The following ELAVL2 variants were observed in gnomAD, a reference collection of about 807,000 sequenced individuals.
The protein encoded by ELAVL2 is ELAV like RNA binding protein 2.
ELAVL2 carries 4 observed loss-of-function variants against 34.6 expected under a neutral mutation model. That is an observed-to-expected ratio of 0.12 (90% confidence interval 0.06 to 0.26). The LOEUF (loss-of-function observed/expected upper bound fraction) is 0.26. Ranked by LOEUF, ELAVL2 falls within the 10% of genes least tolerant of loss-of-function variation. The pLI, the probability that ELAVL2 is intolerant of heterozygous loss-of-function variation, is 1.00. For missense variants in ELAVL2, 432 were observed against 442.8 expected (o/e 0.98, Z 0.22); for synonymous variants, 193 against 154.8 (o/e 1.25, Z -1.83).
chr9:23,700,984 A>C (rs1399117527), intron 5 of ELAVL2, among the ~76,000 whole-genome samples: 4 of 152,188 alleles, frequency 2.6e-5, no homozygotes, highest in African/African-American at 4.8e-5. Context: ...GCTTTGGACC[A>C]GGTAACTTCT....
intron 2 of ELAVL2, among the ~76,000 whole-genome samples, chr9:23,760,053 A>C (rs183702625): frequency 6.6e-6 from 1 of 151,856 alleles, no homozygotes; most frequent in East Asian, 1.9e-4. Flanking sequence ...TGCTTCTATT[A>C]CCACCGTCTA....
At chr9:23,716,669 C>T (rs1351897135) in intron 3 of ELAVL2, among the ~76,000 whole-genome samples, 1 of 152,136 alleles carries the variant, frequency 6.6e-6, no homozygotes, top group Non-Finnish European at 1.5e-5. Flanking sequence ...TCCCGTTGCC[C>T]TCAGAGAGCA....
At chr9:23,832,701 G>A in the ELAVL2 span, among the ~76,000 whole-genome samples, 52 of 152,054 alleles carry the variant, frequency 3.4e-4, no homozygotes, top group Non-Finnish European at 1.6e-4. Context: ...ACCTTCAGCC[G>A]ACAACACATA....
At chr9:23,829,614 A>C (rs1190151169), upstream of ELAVL2, 1 of 152,234 alleles carries the variant, frequency 6.6e-6, no homozygotes, top group Non-Finnish European at 1.5e-5. Flanking sequence ...TGTCTGCATG[A>C]GAAATACAGA....
chr9:23,764,892 A>T, intron 1 of ELAVL2: 1 of 1,046,274 alleles, frequency 9.6e-7, no homozygotes, highest in Non-Finnish European at 1.4e-6. Context: ...ACAATAGGTT[A>T]AATGTAAGAA....
chr9:23,762,163 G>A lies in ELAVL2; in HGVS notation c.72C>T (p.Asn24=), dbSNP rs760120224. 1 of 1,613,688 alleles carries A rather than the reference G, an allele frequency of 6.2e-7. No individual in the cohort carries two copies. Among genetic ancestry groups the A allele is most frequent in the East Asian group, 2.2e-5 (1 of 44,876 alleles). The change falls in exon 2 of 7, where the codon AAC becomes AAT. Residue 24 remains asparagine, a synonymous_variant. Transcript: ENST00000397312. Reference sequence around the variant, plus strand: ...TCCCAGAGTCAACTGGTGACGAACAGTTGTTGTTTATGGTGGTTGGACCAT... The same window carrying A: ...TCCCAGAGTCAACTGGTGACGAACAATTGTTGTTTATGGTGGTTGGACCAT... The part of the protein sequence containing the change: ...TANGPTTINN[N]CSSPVDSGNT...
intron 1 of ELAVL2, among the ~76,000 whole-genome samples, chr9:23,820,791 G>A (rs1278974873): frequency 6.6e-6 from 1 of 152,236 alleles, no homozygotes; most frequent in Non-Finnish European, 1.5e-5. Flanking sequence ...AGGAGCAGCT[G>A]CCGCAACCAC....
At chr9:23,725,166 C>G (rs2044760644) in intron 3 of ELAVL2, among the ~76,000 whole-genome samples, 1 of 152,148 alleles carries the variant, frequency 6.6e-6, no homozygotes, top group Non-Finnish European at 1.5e-5. Flanking sequence ...AATAAATACT[C>G]AAGGTCAATC....
intron 2 of ELAVL2, among the ~76,000 whole-genome samples, chr9:23,757,913 A>C (rs2053962083): frequency 6.6e-6 from 1 of 152,152 alleles, no homozygotes; most frequent in African/African-American, 2.4e-5. Context: ...CAAGGACTTA[A>C]GAAGCACACA....
At chr9:23,749,488 T>C (rs1392147435) in intron 2 of ELAVL2, among the ~76,000 whole-genome samples, 3 of 152,088 alleles carry the variant, frequency 2.0e-5, no homozygotes, top group African/African-American at 7.2e-5. Context: ...GATACGCAGA[T>C]GGGCTAAATT....
At chr9:23,813,748 A>T (rs1588755541) in intron 1 of ELAVL2, among the ~76,000 whole-genome samples, 1 of 152,226 alleles carries the variant, frequency 6.6e-6, no homozygotes, top group Admixed American at 6.5e-5. Context: ...ACCCAAGACA[A>T]ATCTTCTCTG....
intron 2 of ELAVL2, among the ~76,000 whole-genome samples, chr9:23,740,922 C>G (rs1418840075): frequency 2.0e-5 from 3 of 152,138 alleles, no homozygotes; most frequent in African/African-American, 7.2e-5. Context: ...TGCTTTCATA[C>G]GCATAGCATG....
At chr9:23,721,115 G>T (rs759749613) in intron 3 of ELAVL2, among the ~76,000 whole-genome samples, 1 of 152,158 alleles carries the variant, frequency 6.6e-6, no homozygotes, top group Non-Finnish European at 1.5e-5. Context: ...TTCTAAATAA[G>T]ACAAATGCCA....
intron 5 of ELAVL2, among the ~76,000 whole-genome samples, chr9:23,698,417 A>G (rs2036010480): frequency 6.6e-6 from 1 of 152,236 alleles, no homozygotes; most frequent in East Asian, 1.9e-4. Flanking sequence ...TTTAAACTTA[A>G]CCCTTATTAC....
At chr9:23,721,857 C>T (rs534446162) in intron 3 of ELAVL2, among the ~76,000 whole-genome samples, 5 of 152,112 alleles carry the variant, frequency 3.3e-5, no homozygotes, top group African/African-American at 9.7e-5. Context: ...ATATGTAATA[C>T]ATGAAACATA....
chr9:23,692,634 C>A lies in ELAVL2; in HGVS notation c.1003G>T (p.Ala335Ser). 1.2e-6 allele frequency: 2 copies of A among 1,614,182 alleles called. No individual in the cohort carries two copies. The highest frequency in any genetic ancestry group is 2.2e-5 in the South Asian group (2 of 91,082). The change falls in exon 7 of 7, where the codon GCT becomes TCT. Residue 335 changes from alanine (A) to serine (S), a missense_variant. Coordinates refer to ENST00000397312, the MANE Select transcript of ELAVL2 (RefSeq NM_004432.5). Reference protein sequence around the residue: ...TNYDEAAMAIASLNGYRLGDR... With the variant: ...TNYDEAAMAISSLNGYRLGDR... ...CCCAGACGGTATCCATTGAGGCTAG[C>A]TATCGCCATGGCAGCCTCATCATAG...
intron 2 of ELAVL2, among the ~76,000 whole-genome samples, chr9:23,731,648 G>A (rs1365294737): frequency 1.3e-5 from 2 of 152,114 alleles, no homozygotes; most frequent in South Asian, 2.1e-4. Flanking sequence ...GTGTATACAT[G>A]TAAGTTTATT....
At position 23,761,493 on chromosome 9, in the gene ELAVL2, G is replaced by A. The variant is rs140903777; in HGVS notation, c.229+513C>T. ...TATACCATGTCCTTTCCTTGTTAAG[G>A]AACGGAACATAAGATCTCATCACGC... On this transcript the variant is annotated intron_variant, in intron 2 of 6. Transcript: ENST00000397312. Among the ~76,000 whole-genome samples, 1,066 of 152,068 alleles carry A rather than the reference G, an allele frequency of 7.0e-3. 13 individuals carry two copies. The highest frequency in any genetic ancestry group is 0.013 in the Non-Finnish European group (857 of 67,942).
Position 23,705,173 on chromosome 9 carries a change from G to C in ELAVL2, c.334-102C>G, listed in dbSNP as rs1177620295. 7 of 1,342,648 alleles carry C rather than the reference G, an allele frequency of 5.2e-6. No individual in the cohort carries two copies. In the East Asian group the frequency reaches 9.5e-5, roughly 18 times the overall value. The allele number at this position is 1,342,648 out of a possible 1,614,324, so 83.2% of individuals were successfully genotyped here. A position where few individuals can be genotyped will look rare whatever the true frequency, so the allele number is the denominator to read the frequency against. The stretch of plus-strand genomic sequence containing the variant: ...CGGTAACTTTCCCATGAACAGCATA[G>C]AACACTGAAGTTCAAGCAAGTCAGG... On this transcript the variant is annotated intron_variant, in intron 3 of 6. Coordinates refer to ENST00000397312, the MANE Select transcript of ELAVL2 (RefSeq NM_004432.5).
Sources: gnomAD v4.1 joint callset for allele counts (sites outside exome capture counted in the v4.1 genomes callset) on GRCh38, gnomAD v4.1.1 for gene constraint, MANE v1.5 for transcripts, NCBI Gene and HGNC (gene_info 2026-07-23, HGNC 2026-07-21) for gene names.